The following CNTNAP5 variants were observed in gnomAD, a reference collection of about 807,000 sequenced individuals.
CNTNAP5 encodes contactin-associated protein-like 5.
CNTNAP5 carries 72 observed loss-of-function variants against 150.2 expected under a neutral mutation model. The ratio of observed to expected loss-of-function variants is 0.48; its 90% CI spans 0.40 to 0.58. CNTNAP5 has a LOEUF of 0.58. Ranked by LOEUF, CNTNAP5 falls within the 20% of genes least tolerant of loss-of-function variation. CNTNAP5 has a pLI of 0.00. For missense variants in CNTNAP5, 1,636 were observed against 1,626.2 expected (o/e 1.01, Z -0.10); for synonymous variants, 672 against 619.8 (o/e 1.08, Z -1.25).
chr2:124,343,834 A>C (rs1053529325), intron 3 of CNTNAP5, among the ~76,000 whole-genome samples: 8 of 152,206 alleles, frequency 5.3e-5, no homozygotes, highest in Non-Finnish European at 8.8e-5. Flanking sequence ...GCACTTCTGC[A>C]GGCTGGGAAG....
At chr2:124,490,058 T>G (rs1693981268) in intron 7 of CNTNAP5, among the ~76,000 whole-genome samples, 1 of 152,104 alleles carries the variant, frequency 6.6e-6, no homozygotes, top group Admixed American at 6.6e-5. Flanking sequence ...GGCTTAATTA[T>G]TATTAATTAT....
chr2:124,397,514 T>C (rs890679349), intron 3 of CNTNAP5, among the ~76,000 whole-genome samples: 4 of 152,200 alleles, frequency 2.6e-5, no homozygotes, highest in Non-Finnish European at 4.4e-5. Context: ...CTCCTAATAA[T>C]GTGACAGTGG....
At chr2:124,382,101 A>G (rs185050141) in intron 3 of CNTNAP5, among the ~76,000 whole-genome samples, 85 of 152,310 alleles carry the variant, frequency 5.6e-4, no homozygotes, top group African/African-American at 2.0e-3. Flanking sequence ...ACCTAGTAGA[A>G]AAAGAACACT....
intron 13 of CNTNAP5, among the ~76,000 whole-genome samples, chr2:124,662,639 C>A (rs1271997810): frequency 6.6e-6 from 1 of 152,086 alleles, no homozygotes; most frequent in African/African-American, 2.4e-5. Context: ...AATTTCAAAG[C>A]CCATACAAAG....
intron 19 of CNTNAP5, among the ~76,000 whole-genome samples, chr2:124,855,880 T>G (rs1224786465): frequency 6.6e-6 from 1 of 152,076 alleles, no homozygotes; most frequent in Admixed American, 6.6e-5. Flanking sequence ...CCCTTACCCT[T>G]GAGTCCCCAA....
chr2:124,160,425 G>A (rs1010301652), intron 1 of CNTNAP5, among the ~76,000 whole-genome samples: 49 of 144,954 alleles, frequency 3.4e-4, no homozygotes, highest in South Asian at 6.2e-4. Flanking sequence ...AAGGTGATCA[G>A]ATCAACAGTC....
intron 1 of CNTNAP5, among the ~76,000 whole-genome samples, chr2:124,087,253 C>A (rs1682713222): frequency 6.6e-6 from 1 of 151,720 alleles, no homozygotes. Context: ...CTGAATCTAC[C>A]CACATTTTTT....
intron 1 of CNTNAP5, among the ~76,000 whole-genome samples, chr2:124,157,804 C>T (rs1684580388): frequency 6.6e-6 from 1 of 152,162 alleles, no homozygotes; most frequent in South Asian, 2.1e-4. Flanking sequence ...ACTGTGTGCT[C>T]ATGAGGAGAT....
chr2:124,877,312 G>A (rs1332086897), intron 21 of CNTNAP5, among the ~76,000 whole-genome samples: 1 of 152,056 alleles, frequency 6.6e-6, no homozygotes, highest in Non-Finnish European at 1.5e-5. Flanking sequence ...TGCCTGCTCT[G>A]TCTATACTAG....
chr2:124,118,242 A>G (rs988070734), intron 1 of CNTNAP5, among the ~76,000 whole-genome samples: 3 of 152,172 alleles, frequency 2.0e-5, no homozygotes, highest in African/African-American at 7.2e-5. Flanking sequence ...ATACACACAC[A>G]TATACAAAGC....
At chr2:124,540,594 T>C (rs1263506991) in intron 10 of CNTNAP5, among the ~76,000 whole-genome samples, 1 of 152,086 alleles carries the variant, frequency 6.6e-6, no homozygotes, top group Non-Finnish European at 1.5e-5. Flanking sequence ...AGACAGAGAG[T>C]TTTTGATCTT....
chr2:124,253,267 C>T (rs1193733569), intron 3 of CNTNAP5, among the ~76,000 whole-genome samples: 1 of 151,838 alleles, frequency 6.6e-6, no homozygotes, highest in Non-Finnish European at 1.5e-5. Context: ...TTGTAAAAGA[C>T]ACTAAGGAAT....
At position 124,759,261 on chromosome 2, in the gene CNTNAP5, T is replaced by C. The variant is rs560210584; in HGVS notation, c.2235-4411T>C. Among the ~76,000 whole-genome samples, 16 of 151,144 alleles carry C rather than the reference T, an allele frequency of 1.1e-4. 1 individual carries two copies. The highest frequency in any genetic ancestry group is 3.4e-4 in the African/African-American group (14 of 41,282). The stretch of plus-strand genomic sequence containing the variant: ...AAGTATGGTGTATAGTCTAATAGTT[T>C]TGACTTTTAATCTACTTGCTTCCTG... On this transcript the variant is annotated intron_variant, in intron 14 of 23. Coordinates refer to ENST00000682447, the MANE Select transcript of CNTNAP5 (RefSeq NM_001367498.1).
At chr2:124,826,868 G>A (rs1682605637) in intron 19 of CNTNAP5, among the ~76,000 whole-genome samples, 1 of 152,130 alleles carries the variant, frequency 6.6e-6, no homozygotes, top group South Asian at 2.1e-4. Context: ...TCTGTGATGA[G>A]CCCCAGAAAG....
intron 12 of CNTNAP5, among the ~76,000 whole-genome samples, chr2:124,624,033 G>A (rs1416076723): frequency 6.6e-6 from 1 of 152,176 alleles, no homozygotes; most frequent in Non-Finnish European, 1.5e-5. Context: ...ACCAAAGTGT[G>A]GTGACCACAT....
At chr2:124,498,463 GCTT>G (rs1157976459) in intron 7 of CNTNAP5, among the ~76,000 whole-genome samples, 2 of 152,072 alleles carry the variant, frequency 1.3e-5, no homozygotes, top group Admixed American at 1.3e-4. Context: ...AAAATATCAG[GCTT>G]CTTATTTACT....
rs963134898 is a variant in CNTNAP5, at chr2:124,920,917, A to C, written c.*6629A>C. Among the ~76,000 whole-genome samples the C allele has an allele frequency of 6.6e-6, 1 of 152,136 alleles. No homozygotes were observed. Among genetic ancestry groups the C allele is most frequent in the Non-Finnish European group, 1.5e-5 (1 of 68,010 alleles). On this transcript the variant is annotated 3_prime_UTR_variant, in exon 24 of 24. Transcript: ENST00000682447. ...CTCCCCACAAAAATACACATATGTCAGACTCTTTATTATGGTAAAAGCACA... is the reference window on the plus strand; with the variant it reads ...CTCCCCACAAAAATACACATATGTCCGACTCTTTATTATGGTAAAAGCACA...
At chr2:124,301,196 T>G (rs898205442) in intron 3 of CNTNAP5, among the ~76,000 whole-genome samples, 1 of 152,214 alleles carries the variant, frequency 6.6e-6, no homozygotes, top group South Asian at 2.1e-4. Flanking sequence ...TTGCAATTGA[T>G]AGTCTCTGAA....
At chr2:124,440,402 G>C (rs1438597267) in intron 5 of CNTNAP5, among the ~76,000 whole-genome samples, 1 of 151,946 alleles carries the variant, frequency 6.6e-6, no homozygotes, top group African/African-American at 2.4e-5. Context: ...TTTTTCTCAG[G>C]CTGTCTGAAA....
Sources: gnomAD v4.1 joint callset for allele counts (sites outside exome capture counted in the v4.1 genomes callset) on GRCh38, gnomAD v4.1.1 for gene constraint, MANE v1.5 for transcripts, NCBI Gene and HGNC (gene_info 2026-07-23, HGNC 2026-07-21) for gene names.